Variants in DNAH7 observed in about 807,000 individuals in gnomAD.
The protein encoded by DNAH7 is dynein axonemal heavy chain 7, also known as axonemal beta dynein heavy chain 7.
In DNAH7, 397 loss-of-function variants were observed where a neutral mutation model predicts 444.6. That is an observed-to-expected ratio of 0.89 (90% CI 0.82 to 0.97). DNAH7 has a LOEUF of 0.97. Ranked by LOEUF, DNAH7 falls within the 50% of genes least tolerant of loss-of-function variation. DNAH7 has a pLI of 0.00. For missense variants in DNAH7, 4,902 were observed against 4,800.8 expected (o/e 1.02, Z -0.62); for synonymous variants, 1,636 against 1,624.4 (o/e 1.01, Z -0.17).
At chr2:195,773,117 C>T (rs186812417) in intron 60 of DNAH7, among the ~76,000 whole-genome samples, 61 of 152,210 alleles carry the variant, frequency 4.0e-4, no homozygotes, top group Non-Finnish European at 7.5e-4. Flanking sequence ...CACATACCAC[C>T]ATAATATCCT....
chr2:195,769,227 C>T (rs191335396), intron 61 of DNAH7, among the ~76,000 whole-genome samples: 1 of 151,956 alleles, frequency 6.6e-6, no homozygotes. Flanking sequence ...AATAAAGCAA[C>T]TCCATCTTGT....
At position 195,796,753 on chromosome 2, in the gene DNAH7, G is replaced by C; in HGVS notation, c.10354-16C>G. On this transcript the variant is annotated splice_polypyrimidine_tract_variant and intron_variant, in intron 55 of 64. Transcript: ENST00000312428. ...CCCCATATCCCTGTGTACAAGAATA[G>C]TAGAGATGTTATTTAAAATCACATT... The C allele has an allele frequency of 6.3e-7, 1 of 1,583,466 alleles. No individual in the cohort carries two copies. The highest frequency in any genetic ancestry group is 8.6e-7 in the Non-Finnish European group (1 of 1,164,810).
chr2:195,917,137 C>T (rs1366842751), intron 24 of DNAH7, among the ~76,000 whole-genome samples: 1 of 149,458 alleles, frequency 6.7e-6, no homozygotes, highest in African/African-American at 2.5e-5. Flanking sequence ...TGCATCACTG[C>T]ACTCCAGTCT....
At chr2:195,800,945 T>C (rs903045837) in intron 54 of DNAH7, among the ~76,000 whole-genome samples, 1 of 152,246 alleles carries the variant, frequency 6.6e-6, no homozygotes, top group Non-Finnish European at 1.5e-5. Flanking sequence ...TTTACTATTA[T>C]GCTTCTCTTT....
intron 5 of DNAH7, among the ~76,000 whole-genome samples, chr2:196,030,973 CG>C (rs1464747442): frequency 6.6e-6 from 1 of 152,200 alleles, no homozygotes; most frequent in African/African-American, 2.4e-5. Flanking sequence ...CTCCACTAGG[CG>C]GTGCCCCAGT....
chr2:195,776,335 C>T (rs1695058219), intron 59 of DNAH7, among the ~76,000 whole-genome samples: 1 of 151,828 alleles, frequency 6.6e-6, no homozygotes, highest in African/African-American at 2.4e-5. Context: ...CCCAGCTACT[C>T]AGGAGGCTGA....
Position 195,794,379 on chromosome 2 carries a change from G to C in DNAH7, c.10675C>G (p.Pro3559Ala), listed in dbSNP as rs377174476. 6.2e-7 allele frequency: 1 copy of C among 1,613,926 alleles called. No individual in the cohort carries two copies. The highest frequency in any genetic ancestry group is 8.5e-7 in the Non-Finnish European group (1 of 1,180,016). The change falls in exon 57 of 65, where the codon CCG (proline) becomes GCG (alanine). Residue 3559 changes from proline to alanine, a missense_variant. Pro to Ala is a conservative substitution (Grantham distance 27). Transcript: ENST00000312428. ...ANIIRSYLMD[P>A]ISDPEFFGSC... ...CCAAAGAACTCCGGATCAGAGATCG[G>C]GTCCATGAGGTATGATCGAATGATA...
chr2:195,752,321 A>T (rs1205795674), intron 63 of DNAH7, among the ~76,000 whole-genome samples: 1 of 151,544 alleles, frequency 6.6e-6, no homozygotes, highest in East Asian at 1.9e-4. Context: ...GGTGAGCAAC[A>T]GCCCTTGATA....
chr2:195,925,799 C>A (rs927127047), intron 22 of DNAH7, among the ~76,000 whole-genome samples: 1 of 152,170 alleles, frequency 6.6e-6, no homozygotes, highest in East Asian at 1.9e-4. Flanking sequence ...GTTGACCCCT[C>A]AGTCAACTGA....
rs341952 is a variant in DNAH7, at chr2:195,883,007, C to A, written c.5764-1015G>T. ...TGCGTACAGCAGAGAATTTTTTTTT[C>A]GGGGTGTTAAATTCACATCACTCTG... On this transcript the variant is annotated intron_variant, in intron 35 of 64. Coordinates refer to ENST00000312428, the MANE Select transcript of DNAH7 (RefSeq NM_018897.3). Among the ~76,000 whole-genome samples the A allele has an allele frequency of 2.0e-5, 3 of 151,956 alleles. No individual in the cohort carries two copies. In the South Asian group the frequency reaches 6.2e-4, roughly 32 times the overall value.
chr2:195,792,439 TA>T (rs1559099778), intron 57 of DNAH7, among the ~76,000 whole-genome samples: 2 of 68,130 alleles, frequency 2.9e-5, no homozygotes, highest in Admixed American at 1.4e-4. Flanking sequence ...ACACACACAT[TA>T]AAAAAACAGG....
chr2:196,058,234 A>T, intron 1 of DNAH7, 118 bp from the exon 2 acceptor site: 1 of 632,874 alleles, frequency 1.6e-6, no homozygotes. Context: ...ATTCTAAAAC[A>T]TACTGTACAA....
At chr2:196,062,721 G>A (rs1698197040) in intron 1 of DNAH7, among the ~76,000 whole-genome samples, 1 of 152,250 alleles carries the variant, frequency 6.6e-6, no homozygotes, top group East Asian at 1.9e-4. Flanking sequence ...CTTTATTGAA[G>A]ACAGTGCTTT....
chr2:196,059,943 C>A (rs958803636), intron 1 of DNAH7, among the ~76,000 whole-genome samples: 2 of 152,130 alleles, frequency 1.3e-5, no homozygotes, highest in African/African-American at 4.8e-5. Flanking sequence ...TGGCTGGGCG[C>A]AGTGGCTCAT....
At chr2:196,066,378 A>G (rs1698431131) in intron 1 of DNAH7, among the ~76,000 whole-genome samples, 1 of 152,212 alleles carries the variant, frequency 6.6e-6, no homozygotes, top group Non-Finnish European at 1.5e-5. Flanking sequence ...ATGACATTTC[A>G]AAAACATGAT....
At chr2:196,048,261 T>A (rs746227284) in intron 4 of DNAH7, 35 bp downstream of exon 4, 36 of 1,523,058 alleles carry the variant, frequency 2.4e-5, no homozygotes, top group Middle Eastern at 1.7e-4. Flanking sequence ...CTACAAATTA[T>A]CCTTAAATCT....
At chr2:195,982,903 G>T (rs1321279289) in intron 15 of DNAH7, among the ~76,000 whole-genome samples, 5 of 152,062 alleles carry the variant, frequency 3.3e-5, no homozygotes, top group Admixed American at 3.3e-4. Context: ...GAATGAAAAA[G>T]ATCTAGTATT....
chr2:195,856,628 TAATA>T (rs1485595804), intron 44 of DNAH7, among the ~76,000 whole-genome samples: 1 of 152,156 alleles, frequency 6.6e-6, no homozygotes, highest in Non-Finnish European at 1.5e-5. Flanking sequence ...TTTGAAAAAA[TAATA>T]ATTACCCTGT....
intron 57 of DNAH7, among the ~76,000 whole-genome samples, chr2:195,788,807 A>C (rs1021504873): frequency 6.6e-6 from 1 of 152,230 alleles, no homozygotes; most frequent in African/African-American, 2.4e-5. Flanking sequence ...TGAATTCATC[A>C]CTTCTAAAAT....
Sources: gnomAD v4.1 joint callset for allele counts (sites outside exome capture counted in the v4.1 genomes callset) on GRCh38, gnomAD v4.1.1 for gene constraint, MANE v1.5 for transcripts, NCBI Gene and HGNC (gene_info 2026-07-23, HGNC 2026-07-21) for gene names.